NYAP2: variants seen among roughly 807,000 people sequenced by gnomAD.
The protein encoded by NYAP2 is neuronal tyrosine-phosphorylated phosphoinositide-3-kinase adaptor 2, also known as neuronal tyrosine-phosphorylated phosphoinositide-3-kinase adapter 2.
Under a neutral mutation model 50.4 loss-of-function variants are expected in NYAP2, and 23 were observed. The ratio of observed to expected loss-of-function variants is 0.46; its 90% CI spans 0.33 to 0.65. The LOEUF (loss-of-function observed/expected upper bound fraction) is 0.65, where lower values mean the gene tolerates loss of function less well. NYAP2 is among the 30% of genes least tolerant of loss of function. The pLI, the probability that NYAP2 is intolerant of heterozygous loss-of-function variation, is 0.02. For missense variants in NYAP2, 885 were observed against 861.0 expected, an observed-to-expected ratio of 1.03 and a Z score of -0.35; for synonymous variants, 394 against 365.2, an observed-to-expected ratio of 1.08 and a Z score of -0.90.
chr2:225,567,273 T>C (rs1691979054), intron 4 of NYAP2, among the ~76,000 whole-genome samples: 1 of 152,100 alleles, frequency 6.6e-6, no homozygotes, highest in Non-Finnish European at 1.5e-5. Flanking sequence ...CATAGCTGAC[T>C]GCACCCTTAT....
intron 2 of NYAP2, among the ~76,000 whole-genome samples, chr2:225,407,839 C>G (rs1163462129): frequency 2.6e-5 from 4 of 151,876 alleles, no homozygotes; most frequent in South Asian, 2.1e-4. Flanking sequence ...GGACAGTAAG[C>G]CTTCCTTCCA....
chr2:225,605,251 C>T (rs972157725), intron 5 of NYAP2, among the ~76,000 whole-genome samples: 1 of 152,060 alleles, frequency 6.6e-6, no homozygotes, highest in African/African-American at 2.4e-5. Flanking sequence ...TTGATTGCAC[C>T]TGTGCATATA....
intron 4 of NYAP2, among the ~76,000 whole-genome samples, chr2:225,531,660 C>T (rs117370292): frequency 6.6e-6 from 1 of 152,294 alleles, no homozygotes; most frequent in East Asian, 1.9e-4. Context: ...CTTTCAGGCA[C>T]CTTTAATGTA....
intron 3 of NYAP2, among the ~76,000 whole-genome samples, chr2:225,460,894 G>A (rs1257184673): frequency 1.3e-5 from 2 of 149,864 alleles, no homozygotes; most frequent in African/African-American, 4.9e-5. Context: ...TCGGGAGGCT[G>A]ACGCAAGAGA....
intron 3 of NYAP2, among the ~76,000 whole-genome samples, chr2:225,488,495 TC>T (rs1475207818): frequency 6.6e-6 from 1 of 152,142 alleles, no homozygotes; most frequent in Non-Finnish European, 1.5e-5. Context: ...TGCCTCAGCC[TC>T]CCAAGTAGTT....
intron 3 of NYAP2, among the ~76,000 whole-genome samples, chr2:225,509,686 C>T (rs973118926): frequency 6.6e-6 from 1 of 151,800 alleles, no homozygotes; most frequent in African/African-American, 2.4e-5. Flanking sequence ...GAGTGTGCCT[C>T]TTTGGGGACC....
intron 4 of NYAP2, among the ~76,000 whole-genome samples, chr2:225,573,250 CTTTT>C (rs59186607): frequency 7.9e-6 from 1 of 126,716 alleles, no homozygotes; most frequent in Admixed American, 8.0e-5. Flanking sequence ...ATTATTATTT[CTTTT>C]TTTTTTTTTT....
At chr2:225,470,811 A>ATGTGTGTGTG (rs113075606) in intron 3 of NYAP2, among the ~76,000 whole-genome samples, 11 of 148,088 alleles carry the variant, frequency 7.4e-5, no homozygotes, top group African/African-American at 1.3e-4. Flanking sequence ...ATGTATGTAT[A>ATGTGTGTGTG]TGTGTGTGTG....
chr2:225,585,165 G>T (rs1432217287), intron 5 of NYAP2, among the ~76,000 whole-genome samples: 2 of 152,024 alleles, frequency 1.3e-5, no homozygotes, highest in African/African-American at 2.4e-5. Context: ...TGATTGATTT[G>T]GTTTTCACAC....
chr2:225,652,947 C>T (rs1353446333), exon 7 of NYAP2: 1 of 151,994 alleles, frequency 6.6e-6, no homozygotes, highest in African/African-American at 2.4e-5. Context: ...TCTCAAGTAC[C>T]ATTTAGAATT....
chr2:225,496,355 C>T (rs1238388900), intron 3 of NYAP2, among the ~76,000 whole-genome samples: 2 of 152,018 alleles, frequency 1.3e-5, no homozygotes, highest in East Asian at 3.9e-4. Flanking sequence ...AAGTGTGTGG[C>T]CAGGGAATAT....
intron 3 of NYAP2, among the ~76,000 whole-genome samples, chr2:225,447,015 A>G (rs1235723563): frequency 1.3e-5 from 2 of 152,082 alleles, no homozygotes; most frequent in African/African-American, 2.4e-5. Context: ...TTATAGACTT[A>G]ATGGGAATCC....
At chr2:225,570,816 A>C (rs914712806) in intron 4 of NYAP2, among the ~76,000 whole-genome samples, 1 of 152,190 alleles carries the variant, frequency 6.6e-6, no homozygotes. Flanking sequence ...GTCTTAACTC[A>C]TTCCAGCATT....
At chr2:225,614,625 A>G (rs1003511410) in intron 5 of NYAP2, among the ~76,000 whole-genome samples, 74 of 152,318 alleles carry the variant, frequency 4.9e-4, no homozygotes, top group Middle Eastern at 6.8e-3. Flanking sequence ...TAATTTCTCT[A>G]TCTCTTAGTT....
chr2:225,462,557 G>C (rs1689849765), intron 3 of NYAP2, among the ~76,000 whole-genome samples: 1 of 152,026 alleles, frequency 6.6e-6, no homozygotes, highest in African/African-American at 2.4e-5. Flanking sequence ...TAGGTCAGAG[G>C]AGAAAGACAT....
intron 4 of NYAP2, among the ~76,000 whole-genome samples, chr2:225,569,595 G>A (rs1692030821): frequency 6.6e-6 from 1 of 152,098 alleles, no homozygotes. Context: ...ATATTAATAG[G>A]TATACATTTT....
At chr2:225,464,684 C>T (rs1689888170) in intron 3 of NYAP2, among the ~76,000 whole-genome samples, 1 of 152,188 alleles carries the variant, frequency 6.6e-6, no homozygotes, top group Non-Finnish European at 1.5e-5. Flanking sequence ...AGTGTACAGG[C>T]TATGGGAAAG....
At chr2:225,690,114 A>G in the NYAP2 span, among the ~76,000 whole-genome samples, 3 of 152,114 alleles carry the variant, frequency 2.0e-5, no homozygotes, top group East Asian at 1.9e-4. Context: ...AGTGGCACAA[A>G]TGGTGTCTAT....
chr2:225,680,475 G>GTGTTCAGT, the NYAP2 span, among the ~76,000 whole-genome samples: 5 of 152,096 alleles, frequency 3.3e-5, no homozygotes, highest in Non-Finnish European at 5.9e-5. Flanking sequence ...TAGAGTTCTA[G>GTGTTCAGT]TGTTCAGTTT....
Sources: allele counts gnomAD v4.1 joint callset (sites outside exome capture counted in the v4.1 genomes callset), GRCh38; gene constraint gnomAD v4.1.1; transcripts MANE v1.5; gene names NCBI Gene and HGNC (gene_info 2026-07-23, HGNC 2026-07-21).